The following ATP1A4 variants were observed in gnomAD, a reference collection of about 807,000 sequenced individuals.
ATP1A4 encodes sodium/potassium-transporting ATPase subunit alpha-4.
Under a neutral mutation model 114.3 loss-of-function variants are expected in ATP1A4, and 90 were observed. That is an observed-to-expected ratio of 0.79 (90% CI 0.66 to 0.94). The LOEUF (loss-of-function observed/expected upper bound fraction) is 0.94, where lower values mean the gene tolerates loss of function less well. ATP1A4 is among the 40% of genes least tolerant of loss of function. ATP1A4 has a pLI of 0.00. For missense variants in ATP1A4, 1,222 were observed against 1,313.6 expected (o/e 0.93, Z 1.08); for synonymous variants, 511 against 494.1 (o/e 1.03, Z -0.45).
chr1:160,158,544 T>A (rs1027893941), intron 4 of ATP1A4, among the ~76,000 whole-genome samples: 2 of 151,274 alleles, frequency 1.3e-5, no homozygotes, highest in Non-Finnish European at 2.9e-5. Context: ...ACCTGGCTAA[T>A]TTTTTTTTCA....
chr1:160,156,122 C>CTGAT lies in ATP1A4; in HGVS notation c.489_490insTGAT (p.Lys164Ter). On this transcript the variant is annotated stop_gained and frameshift_variant, in exon 4 of 22. Coordinates refer to ENST00000368081, the MANE Select transcript of ATP1A4 (RefSeq NM_144699.4). LOFTEE classifies it high-confidence loss of function. ...CCTATTATCAGGAGGCCAAGAGCTCCAAGATCATGGAGTCTTTTAAGAACA... is the reference window on the plus strand; with the variant it reads ...CCTATTATCAGGAGGCCAAGAGCTCCTGATAAGATCATGGAGTCTTTTAAGAACA... 6.2e-7 allele frequency: 1 copy of CTGAT among 1,613,790 alleles called. No individual in the cohort carries two copies. Among genetic ancestry groups the CTGAT allele is most frequent in the Non-Finnish European group, 8.5e-7 (1 of 1,179,686 alleles).
Position 160,176,604 on chromosome 1 carries a change from TGC to T in ATP1A4, c.2590+5_2590+6del. The T allele has an allele frequency of 1.2e-6, 2 of 1,613,814 alleles. No homozygotes were observed. The highest frequency in any genetic ancestry group is 1.7e-5 in the Admixed American group (1 of 60,022). ...TTGGCATGGCCTATGGACAGATTGGTGCGCCCAGAGGAATGAGGGGTGGAGGG... is the reference window on the plus strand; with the variant it reads ...TTGGCATGGCCTATGGACAGATTGGTGCCCAGAGGAATGAGGGGTGGAGGG... On this transcript the variant is annotated splice_donor_region_variant and intron_variant, in intron 17 of 21. Transcript: ENST00000368081.
At chr1:160,162,836 G>A (rs916457449) in intron 6 of ATP1A4, among the ~76,000 whole-genome samples, 8 of 152,120 alleles carry the variant, frequency 5.3e-5, no homozygotes, top group Non-Finnish European at 1.2e-4. Context: ...CTCCTCAGCT[G>A]CTGAGGGCAA....
intron 13 of ATP1A4, 43 bp downstream of exon 13, chr1:160,173,760 T>A (rs756833562): frequency 6.3e-7 from 1 of 1,594,040 alleles, no homozygotes; most frequent in South Asian, 1.1e-5. Flanking sequence ...GTTCCCTCCA[T>A]CCCCAGCCTG....
intron 20 of ATP1A4, among the ~76,000 whole-genome samples, chr1:160,183,949 A>G (rs1238922245): frequency 6.8e-6 from 1 of 146,938 alleles, no homozygotes; most frequent in Non-Finnish European, 1.5e-5. Context: ...TCTTATTGAT[A>G]ATGCTTTTTT....
At position 160,179,103 on chromosome 1, in the gene ATP1A4, C is replaced by T. The variant is rs1185137299; in HGVS notation, c.2736+1439C>T. Among the ~76,000 whole-genome samples the T allele has an allele frequency of 1.1e-4, 16 of 152,312 alleles. No individual in the cohort carries two copies. The East Asian group carries it at 2.9e-3, about 28-fold the overall frequency. ...TGCCCAGCACTTTCCCACTTCACCA[C>T]GATGTCTCCAAACCAAGCCAATTGC... On this transcript the variant is annotated intron_variant, in intron 18 of 21. Coordinates refer to ENST00000368081, the MANE Select transcript of ATP1A4 (RefSeq NM_144699.4).
Position 160,186,377 on chromosome 1 carries a change from C to T in ATP1A4, c.3061+10C>T. The T allele has an allele frequency of 6.2e-7, 1 of 1,603,144 alleles. No individual in the cohort carries two copies. ...CGTCAGCACCCGGATGGTGAGGCTCCCCTGGGCCCCGCTCTGACTGAGTGG... is the reference window on the plus strand; with the variant it reads ...CGTCAGCACCCGGATGGTGAGGCTCTCCTGGGCCCCGCTCTGACTGAGTGG... On this transcript the variant is annotated intron_variant, in intron 21 of 21. Transcript: ENST00000368081.
Position 160,153,102 on chromosome 1 carries a change from C to T in ATP1A4, c.148-63C>T, listed in dbSNP as rs530676887. The T allele has an allele frequency of 2.2e-5, 29 of 1,325,590 alleles. No homozygotes were observed. In the African/African-American group the frequency reaches 3.9e-4, roughly 18 times the overall value. The allele number at this position is 1,325,590 out of a possible 1,614,324, so 82.1% of individuals were successfully genotyped here. The stretch of plus-strand genomic sequence containing the variant: ...ACTAACATTCTCCAGTCTGTTTCTC[C>T]CCCTCTCCCTGGAAATGACCTGGGC... On this transcript the variant is annotated intron_variant, in intron 1 of 21. Transcript: ENST00000368081.
intron 18 of ATP1A4, among the ~76,000 whole-genome samples, chr1:160,178,573 G>A (rs1252401270): frequency 6.6e-6 from 1 of 152,056 alleles, no homozygotes; most frequent in Admixed American, 6.5e-5. Context: ...TACTCAGGAG[G>A]CTGAGGCAGG....
chr1:160,180,619 C>T (rs910117213), intron 18 of ATP1A4, among the ~76,000 whole-genome samples: 40 of 151,300 alleles, frequency 2.6e-4, no homozygotes, highest in Admixed American at 2.6e-3. Context: ...ATTTCTTTCC[C>T]CCCTGTACTC....
At position 160,155,153 on chromosome 1, in the gene ATP1A4, G is replaced by A. The variant is rs746505232; in HGVS notation, c.316G>A (p.Gly106Arg). The A allele has an allele frequency of 2.7e-5, 43 of 1,610,632 alleles. No individual in the cohort carries two copies. The highest frequency in any genetic ancestry group is 5.4e-5 in the African/African-American group (4 of 73,518). ...EWVKFCKQLF[G>R]GFSLLLWTGA... ...GGTCAAATTCTGTAAGCAACTGTTC[G>A]GAGGCTTCTCCCTCCTACTATGGAC... The change falls in exon 3 of 22, where the codon GGA becomes AGA. Residue 106 changes from glycine (G) to arginine (R), a missense_variant. Physicochemically the swap from Gly to Arg is moderately radical, Grantham distance 125. Transcript: ENST00000368081.
chr1:160,156,008 G>T lies in ATP1A4; in HGVS notation c.412-37G>T, dbSNP rs759928082. On this transcript the variant is annotated intron_variant, in intron 3 of 21. Coordinates refer to ENST00000368081, the MANE Select transcript of ATP1A4 (RefSeq NM_144699.4). ...TTTCTGAGGATGAAGAAGACGACAA[G>T]GTCCCACTGATAAACGCTTTCTTTC... is the stretch of plus-strand genomic sequence containing the variant. The T allele has an allele frequency of 5.5e-6, 7 of 1,267,940 alleles. No homozygotes were observed. In the Admixed American group the frequency reaches 6.7e-5, roughly 12 times the overall value. The allele number at this position is 1,267,940 out of a possible 1,614,324, so 78.5% of individuals were successfully genotyped here. A position where few individuals can be genotyped will look rare whatever the true frequency, so the allele number is the denominator to read the frequency against.
In ATP1A4 at chr1:160,173,598, A is replaced by G. The variant is rs1326257114; in HGVS notation, c.1872A>G (p.Gly624=). ...SAGIKVIMVT[G]DHPITAKAIA... Reference sequence around the variant, plus strand: ...CAACCCAGGTGATCATGGTAACAGGAGATCATCCCATTACAGCTAAGGCCA... The same window carrying G: ...CAACCCAGGTGATCATGGTAACAGGGGATCATCCCATTACAGCTAAGGCCA... The change falls in exon 13 of 22, where the codon GGA becomes GGG. Residue 624 remains glycine (G), a synonymous_variant. Coordinates refer to ENST00000368081, the MANE Select transcript of ATP1A4 (RefSeq NM_144699.4). The G allele has an allele frequency of 1.2e-6, 2 of 1,613,998 alleles. No homozygotes were observed. The highest frequency in any genetic ancestry group is 1.7e-6 in the Non-Finnish European group (2 of 1,179,964).
rs150132279 is a variant in ATP1A4, at chr1:160,181,698, A to G, written c.2751A>G (p.Arg917=). ...GCTGTCTCTAGACCTATGAGCAACGAAAAGTTGTGGAGTTCACATGCCAAA... is the reference window on the plus strand; with the variant it reads ...GCTGTCTCTAGACCTATGAGCAACGGAAAGTTGTGGAGTTCACATGCCAAA... ...SYGQQWTYEQ[R]KVVEFTCQTA... is the part of the protein sequence containing the mutation. Residue 917 remains arginine (R), a synonymous_variant, in exon 19 of 22, where the codon CGA becomes CGG. Transcript: ENST00000368081. 4.2e-5 allele frequency: 68 copies of G among 1,614,132 alleles called. No individual in the cohort carries two copies. In the African/African-American group the frequency reaches 6.7e-4, roughly 16 times the overall value.
rs929356300 is a variant in ATP1A4, at chr1:160,164,576, C to T, written c.1047+152C>T. The T allele has an allele frequency of 1.3e-4, 108 of 827,602 alleles. No individual in the cohort carries two copies. In the South Asian group the frequency reaches 1.8e-3, roughly 14 times the overall value. The allele number at this position is 827,602 out of a possible 1,614,324, so 51.3% of individuals were successfully genotyped here. On this transcript the variant is annotated intron_variant, in intron 7 of 21. Coordinates refer to ENST00000368081, the MANE Select transcript of ATP1A4 (RefSeq NM_144699.4). ...AGGAATAATTTAGCTCTCAATATTACACTGACTCCTTCTGCCCATATATTT... is the reference window on the plus strand; with the variant it reads ...AGGAATAATTTAGCTCTCAATATTATACTGACTCCTTCTGCCCATATATTT...
At chr1:160,174,396 G>A in intron 14 of ATP1A4, 135 bp downstream of exon 14, 1 of 1,431,410 alleles carries the variant, frequency 7.0e-7, no homozygotes, top group African/African-American at 1.4e-5. Flanking sequence ...CCTCCATGGT[G>A]GCCTTCAGTT....
rs1186884986 is a variant in ATP1A4, at chr1:160,174,231, G to A, written c.2112G>A (p.Lys704=). The change falls in exon 14 of 22, where the codon AAG becomes AAA. Residue 704 remains lysine, a synonymous_variant. Transcript: ENST00000368081. ...TTGCTCGGACCTCCCCTCAGCAGAA[G>A]CTCATCATTGTCGAGGGATGTCAGA... The part of the protein sequence containing the change: ...IVFARTSPQQ[K]LIIVEGCQRL... The A allele has an allele frequency of 6.2e-7, 1 of 1,614,110 alleles. No individual in the cohort carries two copies. The highest frequency in any genetic ancestry group is 1.1e-5 in the South Asian group (1 of 91,078).
intron 18 of ATP1A4, among the ~76,000 whole-genome samples, chr1:160,179,384 A>G (rs1263661330): frequency 6.6e-6 from 1 of 152,232 alleles, no homozygotes. Context: ...AAATTTACTG[A>G]CAATAAATTA....
chr1:160,163,780 T>A (rs1014151019), intron 6 of ATP1A4, among the ~76,000 whole-genome samples: 12 of 151,956 alleles, frequency 7.9e-5, no homozygotes, highest in Admixed American at 5.9e-4. Flanking sequence ...TCCAAAGAGG[T>A]CAGTCCATGA....
Sources: allele counts gnomAD v4.1 joint callset (sites outside exome capture counted in the v4.1 genomes callset), GRCh38; gene constraint gnomAD v4.1.1; transcripts MANE v1.5; gene names NCBI Gene and HGNC (gene_info 2026-07-23, HGNC 2026-07-21).